THSD7B: variants seen among roughly 807,000 people sequenced by gnomAD.
The protein encoded by THSD7B is thrombospondin type-1 domain-containing protein 7B.
Under a neutral mutation model 213.6 loss-of-function variants are expected in THSD7B, and 138 were observed. That is an observed-to-expected ratio of 0.65 (90% CI 0.56 to 0.74). The LOEUF is 0.74. Ranked by LOEUF, THSD7B falls within the 30% of genes least tolerant of loss-of-function variation. The probability of loss-of-function intolerance (pLI) is 0.00; values close to 1 mark genes in which losing one functional copy is unlikely to be tolerated. For missense variants in THSD7B, 1,931 were observed against 1,991.5 expected, an observed-to-expected ratio of 0.97 and a Z score of 0.58; for synonymous variants, 742 against 687.0, an observed-to-expected ratio of 1.08 and a Z score of -1.25.
rs1682787336 is a variant in THSD7B at position 137,633,930 on chromosome 2, TA to T, written c.3800-8554del. 2.0e-5 allele frequency among the ~76,000 whole-genome samples: 3 copies of T among 152,258 alleles called. No homozygotes were observed. In the South Asian group the frequency reaches 6.2e-4, roughly 32 times the overall value. On this transcript the variant is annotated intron_variant, in intron 20 of 27. Transcript: ENST00000409968. ...CCTTAAACACAGAAATATATATGAC[TA>T]AAATTAACTTAGATTGAACATGGCC...
chr2:136,879,351 G>A (rs917072764), intron 1 of THSD7B, among the ~76,000 whole-genome samples: 2 of 152,178 alleles, frequency 1.3e-5, no homozygotes, highest in African/African-American at 4.8e-5. Context: ...CAGGTAGCGT[G>A]ATGCCTCCAG....
At chr2:137,081,217 C>T (rs192153491) in intron 3 of THSD7B, among the ~76,000 whole-genome samples, 5 of 152,038 alleles carry the variant, frequency 3.3e-5, no homozygotes, top group Admixed American at 2.0e-4. Context: ...TATAGTAGTT[C>T]GTTTCAATGT....
chr2:137,620,451 A>ATGAT (rs1318406469), intron 19 of THSD7B, among the ~76,000 whole-genome samples, 158 bp from the exon 20 acceptor site: 2 of 152,222 alleles, frequency 1.3e-5, no homozygotes, highest in African/African-American at 4.8e-5. Context: ...ATCATTTTCT[A>ATGAT]TGATTGTCAC....
chr2:137,470,910 C>CTTTTTTTTTTTTTTTTTTTT (rs70978226), intron 15 of THSD7B, among the ~76,000 whole-genome samples: 19 of 119,820 alleles, frequency 1.6e-4, no homozygotes, highest in African/African-American at 1.9e-4. Flanking sequence ...TTTTTCTTTA[C>CTTTTTTTTTTTTTTTTTTTT]TTTTTTTTTT....
At chr2:136,980,435 C>T (rs1158012282) in intron 2 of THSD7B, among the ~76,000 whole-genome samples, 1 of 152,144 alleles carries the variant, frequency 6.6e-6, no homozygotes, top group African/African-American at 2.4e-5. Flanking sequence ...TCCATAAAGC[C>T]CTGGCTGGAG....
chr2:137,143,482 G>C (rs556817729), intron 5 of THSD7B, among the ~76,000 whole-genome samples: 2 of 152,254 alleles, frequency 1.3e-5, no homozygotes, highest in Non-Finnish European at 2.9e-5. Context: ...AGCTCAGCTG[G>C]TGTGTCTTAT....
chr2:137,022,348 G>A (rs1686460275), intron 2 of THSD7B, among the ~76,000 whole-genome samples: 1 of 152,122 alleles, frequency 6.6e-6, no homozygotes, highest in African/African-American at 2.4e-5. Flanking sequence ...CAAGCATTTA[G>A]TGTTGTCATT....
intron 3 of THSD7B, among the ~76,000 whole-genome samples, chr2:137,071,190 G>C (rs1208076598): frequency 1.3e-5 from 2 of 152,196 alleles, no homozygotes; most frequent in East Asian, 1.9e-4. Context: ...CAGTGTAAAA[G>C]TATTCCTGTT....
intron 15 of THSD7B, among the ~76,000 whole-genome samples, chr2:137,503,011 A>C (rs1189793819): frequency 6.6e-6 from 1 of 152,228 alleles, no homozygotes; most frequent in African/African-American, 2.4e-5. Context: ...GTCAACAGTC[A>C]TAAGTCTTTC....
intron 1 of THSD7B, among the ~76,000 whole-genome samples, chr2:136,830,685 T>C (rs1682739615): frequency 6.6e-6 from 1 of 152,200 alleles, no homozygotes. Context: ...TTGTCTCTTC[T>C]AAACACCTTT....
intron 1 of THSD7B, among the ~76,000 whole-genome samples, chr2:136,778,148 T>C (rs1389915193): frequency 1.3e-5 from 2 of 152,192 alleles, no homozygotes; most frequent in East Asian, 3.8e-4. Context: ...AGTTCTACAT[T>C]TGCTTTCACC....
intron 3 of THSD7B, among the ~76,000 whole-genome samples, chr2:137,074,579 A>C (rs987112988): frequency 6.6e-6 from 1 of 152,160 alleles, no homozygotes; most frequent in Non-Finnish European, 1.5e-5. Flanking sequence ...CGTTTAGCCC[A>C]TTTACATTTA....
At chr2:137,155,895 A>G (rs1010619010) in intron 5 of THSD7B, 33 of 152,198 alleles carry the variant, frequency 2.2e-4, no homozygotes, top group African/African-American at 8.0e-4. Flanking sequence ...AAATGACCAC[A>G]TCTGCGCTAT....
At position 136,972,494 on chromosome 2, in the gene THSD7B, TG is replaced by T. The variant is rs373073232; in HGVS notation, c.140-83925del. On this transcript the variant is annotated intron_variant, in intron 2 of 27. Coordinates refer to ENST00000409968, the MANE Select transcript of THSD7B (RefSeq NM_001316349.2). ...TATGCGTGTATGTATTTGATAAAAA[TG>T]TTACATAGAAAATAAAACCACAAAT... Among the ~76,000 whole-genome samples, 21 of 152,296 alleles carry T rather than the reference TG, an allele frequency of 1.4e-4. No individual in the cohort carries two copies. In the South Asian group the frequency reaches 2.5e-3, roughly 18 times the overall value.
chr2:137,324,541 C>T (rs1270651481), intron 12 of THSD7B, among the ~76,000 whole-genome samples: 2 of 152,102 alleles, frequency 1.3e-5, no homozygotes, highest in African/African-American at 4.8e-5. Flanking sequence ...TCTGTAGTTC[C>T]TAACCTCAAA....
In THSD7B at chr2:137,170,763, T is replaced by C. The variant is rs1479965845; in HGVS notation, c.1548T>C (p.His516=). ...GKKGFRTRQR[H]VLMESTGPAG... ...TAGGATTTAGAACGAGGCAGCGCCA[T>C]GTCCTCATGGAATCTACAGGGCCTG... is the stretch of plus-strand genomic sequence containing the variant. Residue 516 remains histidine (H), a synonymous_variant, in exon 7 of 28, where the codon CAT becomes CAC. Transcript: ENST00000409968. The C allele has an allele frequency of 6.2e-7, 1 of 1,613,594 alleles. No homozygotes were observed. Among genetic ancestry groups the C allele is most frequent in the Non-Finnish European group, 8.5e-7 (1 of 1,179,694 alleles).
At chr2:137,152,605 G>A (rs6730465) in intron 5 of THSD7B, among the ~76,000 whole-genome samples, 101,524 of 152,066 alleles carry the variant, frequency 0.67, 34,428 homozygotes, top group Non-Finnish European at 0.74. Flanking sequence ...GATTAGCATA[G>A]CACCTAGAGC....
chr2:136,920,801 C>G (rs528401), intron 2 of THSD7B, among the ~76,000 whole-genome samples: 74,375 of 151,858 alleles, frequency 0.49, 19,223 homozygotes, highest in Non-Finnish European at 0.58. Flanking sequence ...TCCTGTGCTT[C>G]TTGGCACCCA....
At chr2:136,807,729 A>G (rs1558811874) in intron 1 of THSD7B, among the ~76,000 whole-genome samples, 1 of 151,784 alleles carries the variant, frequency 6.6e-6, no homozygotes, top group South Asian at 2.1e-4. Flanking sequence ...GATGGTCTCA[A>G]TCTCCTGACC....
Sources: allele counts gnomAD v4.1 joint callset (sites outside exome capture counted in the v4.1 genomes callset), GRCh38; gene constraint gnomAD v4.1.1; transcripts MANE v1.5; gene names NCBI Gene and HGNC (gene_info 2026-07-23, HGNC 2026-07-21).